INTS15: variants seen among roughly 807,000 people sequenced by gnomAD.
The protein encoded by INTS15 is integrator complex subunit 15.
At chr7:6,608,349 T>G in the INTS15 span, 1 of 1,425,534 alleles carries the variant, frequency 7.0e-7, no homozygotes, top group East Asian at 2.6e-5. Flanking sequence ...GCAGATTGGA[T>G]GGTGGAGGGA....
the INTS15 span, among the ~76,000 whole-genome samples, chr7:6,592,976 G>A: frequency 6.6e-6 from 1 of 152,136 alleles, no homozygotes; most frequent in Non-Finnish European, 1.5e-5. Flanking sequence ...TCATGTGGCA[G>A]TTCACTGACT....
the INTS15 span, among the ~76,000 whole-genome samples, chr7:6,604,671 C>T: frequency 1.3e-5 from 2 of 152,182 alleles, no homozygotes; most frequent in African/African-American, 2.4e-5. Flanking sequence ...CGCTGGGCAG[C>T]GCTCGCAGGC....
At chr7:6,594,526 A>G in the INTS15 span, 2 of 1,614,066 alleles carry the variant, frequency 1.2e-6, no homozygotes, top group Admixed American at 1.7e-5. Context: ...ACGCTGAAGC[A>G]GATATTCAGT....
chr7:6,603,324 G>C, the INTS15 span, among the ~76,000 whole-genome samples: 1 of 152,132 alleles, frequency 6.6e-6, no homozygotes, highest in African/African-American at 2.4e-5. Context: ...GAGGCAGGTG[G>C]ATCACTTGTG....
At chr7:6,600,431 AC>A in the INTS15 span, 1 of 1,421,604 alleles carries the variant, frequency 7.0e-7, no homozygotes, top group African/African-American at 1.4e-5. Flanking sequence ...GGGCTCCTGG[AC>A]AGACACTGTT....
the INTS15 span, among the ~76,000 whole-genome samples, chr7:6,595,875 T>G: frequency 6.6e-6 from 1 of 152,070 alleles, no homozygotes; most frequent in African/African-American, 2.4e-5. Context: ...TGCTGCTGTT[T>G]CTGATTCCTC....
chr7:6,600,673 A>G, the INTS15 span, among the ~76,000 whole-genome samples: 1 of 151,904 alleles, frequency 6.6e-6, no homozygotes, highest in Non-Finnish European at 1.5e-5. Flanking sequence ...TTATTTATTT[A>G]TTGCGACGGA....
the INTS15 span, among the ~76,000 whole-genome samples, chr7:6,596,636 C>T: frequency 6.6e-6 from 1 of 151,968 alleles, no homozygotes; most frequent in Non-Finnish European, 1.5e-5. Flanking sequence ...GGCTCAGTCT[C>T]CCAAAGTGCT....
At chr7:6,606,089 T>C in the INTS15 span, among the ~76,000 whole-genome samples, 1 of 152,204 alleles carries the variant, frequency 6.6e-6, no homozygotes, top group Non-Finnish European at 1.5e-5. Context: ...CGGCAGGGTG[T>C]GTACAGGTTC....
the INTS15 span, among the ~76,000 whole-genome samples, chr7:6,591,101 G>A: frequency 2.0e-5 from 3 of 151,834 alleles, no homozygotes; most frequent in Non-Finnish European, 4.4e-5. Flanking sequence ...CCTCCAAAGT[G>A]TTGGAATTAC....
the INTS15 span, chr7:6,602,831 A>G: frequency 2.2e-6 from 1 of 448,364 alleles, no homozygotes; most frequent in South Asian, 1.6e-5. Context: ...GTCCTTGGTC[A>G]GCTTCCCTGC....
chr7:6,605,455 AAGAC>A, the INTS15 span, among the ~76,000 whole-genome samples: 1 of 152,190 alleles, frequency 6.6e-6, no homozygotes, highest in African/African-American at 2.4e-5. Context: ...GGGAATTAAA[AAGAC>A]AGCAGGATAC....
the INTS15 span, chr7:6,608,066 G>T: frequency 1.3e-6 from 2 of 1,596,252 alleles, no homozygotes. Context: ...CTACGGGGCT[G>T]TCCCGGCCCA....
chr7:6,605,761 T>C, the INTS15 span, among the ~76,000 whole-genome samples: 1 of 151,738 alleles, frequency 6.6e-6, no homozygotes, highest in African/African-American at 2.4e-5. Flanking sequence ...TGCCGTGGTG[T>C]GATCTCGGCT....
the INTS15 span, chr7:6,607,751 C>G: frequency 5.7e-3 from 8,518 of 1,489,810 alleles, 38 homozygotes; most frequent in Non-Finnish European, 7.0e-3. The surrounding 1 kb of genome is among the most constrained non-coding windows in gnomAD (Gnocchi z 6.0). Flanking sequence ...GCCACAGGCC[C>G]CGTGCAGAGC....
At chr7:6,608,654 A>G in the INTS15 span, 1 of 397,518 alleles carries the variant, frequency 2.5e-6, no homozygotes, top group East Asian at 1.6e-4. Flanking sequence ...CACCTCGGAA[A>G]GGAACTTCTC....
At chr7:6,593,934 A>G in the INTS15 span, among the ~76,000 whole-genome samples, 4 of 148,450 alleles carry the variant, frequency 2.7e-5, no homozygotes, top group Non-Finnish European at 5.9e-5. Context: ...GACAGGCATG[A>G]GCCGCCGTGC....
At chr7:6,599,934 A>G in the INTS15 span, 9 of 1,614,182 alleles carry the variant, frequency 5.6e-6, no homozygotes, top group South Asian at 5.5e-5. Flanking sequence ...ATTGCGGCCA[A>G]TCTGCCAATA....
chr7:6,590,300 A>C, the INTS15 span: 3 of 1,574,616 alleles, frequency 1.9e-6, no homozygotes, highest in Middle Eastern at 2.3e-4. Flanking sequence ...GACATCCGCC[A>C]CTCGCTGCTG....
Sources: gnomAD v4.1 joint callset for allele counts (sites outside exome capture counted in the v4.1 genomes callset) on GRCh38, gnomAD v4.1.1 for gene constraint, Gnocchi (gnomAD v3.1) non-coding constraint, MANE v1.5 for transcripts, NCBI Gene and HGNC (gene_info 2026-07-23, HGNC 2026-07-21) for gene names.